The following SHQ1 variants were observed in gnomAD, a reference collection of about 807,000 sequenced individuals.
The protein encoded by SHQ1 is SHQ1, H/ACA ribonucleoprotein assembly factor.
Under a neutral mutation model 53.8 loss-of-function variants are expected in SHQ1, and 49 were observed. The observed-to-expected ratio is 0.91, with a 90% CI of 0.72 to 1.16. SHQ1 has a LOEUF of 1.16. SHQ1 is among the 50% of genes most tolerant of loss of function. SHQ1 has a pLI of 0.00. For synonymous variants in SHQ1, 243 were observed against 251.0 expected (o/e 0.97, Z 0.30); for missense variants, 738 against 683.1 (o/e 1.08, Z -0.90).
chr3:72,788,221 G>T (rs542081137), intron 10 of SHQ1, among the ~76,000 whole-genome samples: 54 of 151,142 alleles, frequency 3.6e-4, no homozygotes, highest in African/African-American at 1.2e-3. Flanking sequence ...CCCAGTCTGG[G>T]AAGTGAGGAG....
At chr3:72,748,324 G>T (rs954283775), downstream of SHQ1, among the ~76,000 whole-genome samples, 1 of 80,960 alleles carries the variant, frequency 1.2e-5, no homozygotes. Flanking sequence ...AGACTATGAG[G>T]CATGCAAAAA....
intron 10 of SHQ1, among the ~76,000 whole-genome samples, chr3:72,757,237 A>C (rs958203902): frequency 1.3e-5 from 2 of 152,210 alleles, no homozygotes; most frequent in Non-Finnish European, 2.9e-5. Context: ...TTGATCACAG[A>C]GGACAAGACT....
chr3:72,783,264 A>T (rs988247934), intron 10 of SHQ1, among the ~76,000 whole-genome samples: 5 of 152,126 alleles, frequency 3.3e-5, no homozygotes, highest in African/African-American at 7.2e-5. Context: ...ACCTCTGAAA[A>T]TGGTTCATAT....
rs147871679 is a variant in SHQ1 at position 72,749,537 on chromosome 3, A to G, written c.*747T>C. On this transcript the variant is annotated 3_prime_UTR_variant, in exon 11 of 11. Transcript: ENST00000325599. ...ATAGAATTCTAGGACATGCAAACTA[A>G]TAACAGGGCACAAGGGCACTTGGGA... 6.7e-3 allele frequency: 1,467 copies of G among 220,350 alleles called. 16 individuals are homozygous for G. The highest frequency in any genetic ancestry group is 0.03 in the African/African-American group (1,332 of 44,724). The allele number at this position is 220,350 out of a possible 1,614,324, so 13.6% of individuals were successfully genotyped here.
chr3:72,745,150 T>A (rs1207118529), downstream of SHQ1, among the ~76,000 whole-genome samples: 1 of 151,772 alleles, frequency 6.6e-6, no homozygotes, highest in Non-Finnish European at 1.5e-5. Context: ...GAGTCTGGTT[T>A]TTTTTTTTAA....
At chr3:72,824,088 T>G (rs1231022725) in intron 6 of SHQ1, among the ~76,000 whole-genome samples, 1 of 152,206 alleles carries the variant, frequency 6.6e-6, no homozygotes, top group Non-Finnish European at 1.5e-5. Flanking sequence ...AAGAAGAATG[T>G]TCATACCTCT....
At chr3:72,728,337 A>T in the SHQ1 span, among the ~76,000 whole-genome samples, 1 of 152,158 alleles carries the variant, frequency 6.6e-6, no homozygotes, top group Non-Finnish European at 1.5e-5. Flanking sequence ...ACGAATTCCC[A>T]CACCACGTAC....
the SHQ1 span, among the ~76,000 whole-genome samples, chr3:72,729,881 G>A: frequency 1.3e-5 from 2 of 151,576 alleles, no homozygotes; most frequent in Non-Finnish European, 2.9e-5. Flanking sequence ...GCAGTGGCGC[G>A]ATCTCGTCTC....
intron 6 of SHQ1, among the ~76,000 whole-genome samples, chr3:72,820,976 C>A (rs1478344759): frequency 6.6e-6 from 1 of 152,140 alleles, no homozygotes; most frequent in Admixed American, 6.5e-5. Context: ...ACTTTTAAAT[C>A]CTCCCTTCCT....
chr3:72,737,136 G>T, the SHQ1 span, among the ~76,000 whole-genome samples: 1 of 151,894 alleles, frequency 6.6e-6, no homozygotes, highest in Non-Finnish European at 1.5e-5. Flanking sequence ...ATATTAGCCG[G>T]GTGTGCTGGG....
chr3:72,756,060 A>G (rs1705491581), intron 10 of SHQ1, among the ~76,000 whole-genome samples: 1 of 151,460 alleles, frequency 6.6e-6, no homozygotes, highest in Non-Finnish European at 1.5e-5. Context: ...CACCACACCC[A>G]GCTAATTTTT....
intron 4 of SHQ1, among the ~76,000 whole-genome samples, chr3:72,840,709 T>C (rs930252163): frequency 2.0e-5 from 3 of 152,192 alleles, no homozygotes; most frequent in Non-Finnish European, 4.4e-5. Flanking sequence ...CGTAAGTACA[T>C]GATCTCACTT....
Position 72,750,468 on chromosome 3 carries a change from T to C in SHQ1, c.1550A>G (p.Glu517Gly). 4 of 1,614,134 alleles carry C rather than the reference T, an allele frequency of 2.5e-6. No homozygotes were observed. Among genetic ancestry groups the C allele is most frequent in the Non-Finnish European group, 3.4e-6 (4 of 1,180,018 alleles). ...GGVRRNTAIQESDASQGKPLA... is the reference protein window; with the variant it reads ...GGVRRNTAIQGSDASQGKPLA... ...TGGCTTTCCCTGACTGGCATCAGAC[T>C]CCTGGATGGCTGTGTTTCTGCGTAC... The change falls in exon 11 of 11, where the codon GAG becomes GGG. Residue 517 changes from glutamate to glycine, a missense_variant. Physicochemically the swap from Glu to Gly is moderately conservative, Grantham distance 98. Transcript: ENST00000325599.
chr3:72,847,936 A>G (rs1708400427), intron 1 of SHQ1, among the ~76,000 whole-genome samples: 1 of 152,126 alleles, frequency 6.6e-6, no homozygotes, highest in African/African-American at 2.4e-5. Flanking sequence ...CGGGAAAGTG[A>G]CACGGTCCAA....
At chr3:72,800,402 C>T (rs529517716) in intron 9 of SHQ1, among the ~76,000 whole-genome samples, 5 of 152,324 alleles carry the variant, frequency 3.3e-5, no homozygotes, top group Admixed American at 2.6e-4. Flanking sequence ...GAGTTAGGTA[C>T]TTTCTTCCTT....
the SHQ1 span, among the ~76,000 whole-genome samples, chr3:72,726,961 G>A: frequency 6.6e-6 from 1 of 152,200 alleles, no homozygotes. Context: ...AAGCCTCCAA[G>A]GAGCAGCAGC....
intron 10 of SHQ1, among the ~76,000 whole-genome samples, chr3:72,761,964 C>A (rs560573579): frequency 1.6e-4 from 25 of 152,298 alleles, no homozygotes; most frequent in African/African-American, 6.0e-4. Context: ...GAATGACTCT[C>A]GCACAGAAGG....
Position 72,824,406 on chromosome 3 carries a change from C to A in SHQ1, c.727+18G>T. On this transcript the variant is annotated intron_variant, in intron 6 of 10. Transcript: ENST00000325599. ...AGATTTTAAAATGAAACAAATTAGC[C>A]GAATTTGAGTTTCTTACCTAATGTA... is the stretch of plus-strand genomic sequence containing the variant. 2 of 1,608,040 alleles carry A rather than the reference C, an allele frequency of 1.2e-6. No individual in the cohort carries two copies. The highest frequency in any genetic ancestry group is 1.7e-5 in the Admixed American group (1 of 59,238).
chr3:72,748,516 C>G (rs1428445722), downstream of SHQ1, among the ~76,000 whole-genome samples: 1 of 151,834 alleles, frequency 6.6e-6, no homozygotes, highest in African/African-American at 2.4e-5. Flanking sequence ...CATGGCAAAA[C>G]CCCGTCTCTA....
Sources: gnomAD v4.1 joint callset for allele counts (sites outside exome capture counted in the v4.1 genomes callset) on GRCh38, gnomAD v4.1.1 for gene constraint, MANE v1.5 for transcripts, NCBI Gene and HGNC (gene_info 2026-07-23, HGNC 2026-07-21) for gene names.